The following ANKFN1 variants were observed in gnomAD, a reference collection of about 807,000 sequenced individuals.
ANKFN1 encodes ankyrin repeat and fibronectin type-III domain-containing protein 1.
A neutral mutation model predicts 108.7 loss-of-function variants in ANKFN1; 74 were observed. That is an observed-to-expected ratio of 0.68 (90% CI 0.56 to 0.83). The LOEUF (loss-of-function observed/expected upper bound fraction) is 0.83, where lower values mean the gene tolerates loss of function less well. Ranked by LOEUF, ANKFN1 falls within the 40% of genes least tolerant of loss-of-function variation. The probability of loss-of-function intolerance (pLI) is 0.00; values close to 1 mark genes in which losing one functional copy is unlikely to be tolerated. For synonymous variants in ANKFN1, 547 were observed against 516.2 expected, an observed-to-expected ratio of 1.06 and a Z score of -0.81; for missense variants, 1,505 against 1,382.3, an observed-to-expected ratio of 1.09 and a Z score of -1.41.
intron 15 of ANKFN1, among the ~76,000 whole-genome samples, chr17:56,467,791 G>GAAAGA (rs11414270): frequency 3.1e-4 from 17 of 55,028 alleles, no homozygotes; most frequent in Non-Finnish European, 4.5e-4. Context: ...AAGAAAGAAA[G>GAAAGA]AAGAAAGAAA....
intron 18 of ANKFN1, among the ~76,000 whole-genome samples, chr17:56,484,197 G>A (rs1231496836): frequency 6.6e-6 from 1 of 152,178 alleles, no homozygotes; most frequent in Non-Finnish European, 1.5e-5. Flanking sequence ...AGAGAAATGT[G>A]AGGAAAAGGT....
intron 8 of ANKFN1, among the ~76,000 whole-genome samples, chr17:56,438,542 C>T (rs1011310218): frequency 1.3e-5 from 2 of 152,090 alleles, no homozygotes; most frequent in African/African-American, 2.4e-5. Context: ...CATTTTTCAA[C>T]TATAATTCAG....
intron 15 of ANKFN1, among the ~76,000 whole-genome samples, chr17:56,467,040 C>A (rs1265915572): frequency 1.3e-5 from 2 of 152,058 alleles, no homozygotes; most frequent in African/African-American, 2.4e-5. Flanking sequence ...ATCGCTGGAA[C>A]CTGGGAGGCG....
At chr17:56,061,120 T>A (rs1373362458) in intron 4 of ANKFN1, among the ~76,000 whole-genome samples, 1 of 152,152 alleles carries the variant, frequency 6.6e-6, no homozygotes, top group Non-Finnish European at 1.5e-5. Context: ...AACTTGTTAT[T>A]GGTCTATTCA....
intron 1 of ANKFN1, among the ~76,000 whole-genome samples, chr17:56,166,561 C>T (rs1037338946): frequency 1.3e-5 from 2 of 152,106 alleles, no homozygotes; most frequent in Non-Finnish European, 2.9e-5. Flanking sequence ...CTATTTCTAA[C>T]GTGAAGCCCA....
At chr17:56,281,129 C>A (rs1228283924) in intron 3 of ANKFN1, among the ~76,000 whole-genome samples, 1 of 152,132 alleles carries the variant, frequency 6.6e-6, no homozygotes, top group East Asian at 1.9e-4. Context: ...TCTTTATCAG[C>A]AGCATGAAAA....
intron 4 of ANKFN1, among the ~76,000 whole-genome samples, chr17:56,334,824 G>GC (rs1379875098): frequency 6.6e-6 from 1 of 152,130 alleles, no homozygotes; most frequent in Non-Finnish European, 1.5e-5. Flanking sequence ...GAATGGTATT[G>GC]CCTAGGTTTT....
At chr17:56,313,726 T>A (rs2045112989) in intron 3 of ANKFN1, among the ~76,000 whole-genome samples, 1 of 152,254 alleles carries the variant, frequency 6.6e-6, no homozygotes, top group South Asian at 2.1e-4. Flanking sequence ...AAATCTCATC[T>A]GATCTTCCAA....
At chr17:56,375,926 A>C (rs1192578729) in intron 8 of ANKFN1, among the ~76,000 whole-genome samples, 1 of 152,246 alleles carries the variant, frequency 6.6e-6, no homozygotes, top group African/African-American at 2.4e-5. Flanking sequence ...GAATTTGCCT[A>C]AATGCTTACA....
chr17:56,199,267 CAAA>C lies in ANKFN1; in HGVS notation c.-70-13316_-70-13314del, dbSNP rs35028021. 9.9e-3 allele frequency among the ~76,000 whole-genome samples: 1,279 copies of C among 128,778 alleles called. 8 individuals are homozygous for C. The highest frequency in any genetic ancestry group is 0.042 in the East Asian group (195 of 4,632). 84.5% of individuals were successfully genotyped at this position (128,778 alleles called of 152,430 possible). On this transcript the variant is annotated intron_variant, in intron 1 of 20. Coordinates refer to ENST00000682825, the MANE Select transcript of ANKFN1 (RefSeq NM_001370326.1). ...GTTTTCTAGCTCGTTATTGCTGTTA[CAAA>C]AAAAAAAAAAAAAAGACACAGACTT... is the stretch of plus-strand genomic sequence containing the variant.
At chr17:56,487,240 T>A (rs534124290) in intron 18 of ANKFN1, among the ~76,000 whole-genome samples, 1 of 152,252 alleles carries the variant, frequency 6.6e-6, no homozygotes, top group South Asian at 2.1e-4. Context: ...ATCCTTTGGG[T>A]GGGAGCAGGA....
At chr17:56,419,523 ATGGCTCATGCC>A (rs1003048931) in intron 8 of ANKFN1, among the ~76,000 whole-genome samples, 5 of 144,690 alleles carry the variant, frequency 3.5e-5, no homozygotes, top group African/African-American at 1.3e-4. Context: ...GTCAAGTATG[ATGGCTCATGCC>A]TGTAATCCCA....
At chr17:56,269,565 T>C (rs977603324) in intron 3 of ANKFN1, among the ~76,000 whole-genome samples, 1 of 152,160 alleles carries the variant, frequency 6.6e-6, no homozygotes, top group Non-Finnish European at 1.5e-5. Context: ...GCCTAAAAGA[T>C]AGAGTCAGCT....
At chr17:56,309,718 A>G (rs12603942) in intron 3 of ANKFN1, among the ~76,000 whole-genome samples, 13,229 of 152,288 alleles carry the variant, frequency 0.087, 556 homozygotes, top group East Asian at 0.15. Flanking sequence ...TTATACATAC[A>G]TACCTATGAT....
At chr17:56,501,041 T>C (rs1032787654) in intron 20 of ANKFN1, among the ~76,000 whole-genome samples, 5 of 152,074 alleles carry the variant, frequency 3.3e-5, no homozygotes, top group African/African-American at 9.7e-5. Flanking sequence ...TCTGGAAAGA[T>C]GACATTTGAA....
At chr17:56,338,994 G>C (rs918569434) in intron 4 of ANKFN1, among the ~76,000 whole-genome samples, 1 of 152,092 alleles carries the variant, frequency 6.6e-6, no homozygotes, top group African/African-American at 2.4e-5. Context: ...CCCATTGGGT[G>C]GGCAATATCA....
chr17:56,104,914 C>T (rs1905715420), intron 4 of ANKFN1, among the ~76,000 whole-genome samples: 1 of 152,138 alleles, frequency 6.6e-6, no homozygotes, highest in South Asian at 2.1e-4. Flanking sequence ...TTTGCAAAGC[C>T]TCCTTCAGCC....
chr17:56,297,777 A>G (rs1270012675), intron 3 of ANKFN1, among the ~76,000 whole-genome samples: 1 of 152,230 alleles, frequency 6.6e-6, no homozygotes, highest in Admixed American at 6.5e-5. Context: ...TCAAGGCTAG[A>G]GTTATATCTC....
chr17:56,183,169 G>A (rs961483904), intron 1 of ANKFN1, among the ~76,000 whole-genome samples: 2 of 152,060 alleles, frequency 1.3e-5, no homozygotes, highest in African/African-American at 2.4e-5. Context: ...ATGGATCGAG[G>A]AGTTATTTTG....
Sources: allele counts gnomAD v4.1 joint callset (sites outside exome capture counted in the v4.1 genomes callset), GRCh38; gene constraint gnomAD v4.1.1; transcripts MANE v1.5; gene names NCBI Gene and HGNC (gene_info 2026-07-23, HGNC 2026-07-21).